MICU3: variants seen among roughly 807,000 people sequenced by gnomAD.
MICU3 encodes calcium uptake protein 3, mitochondrial.
A neutral mutation model predicts 66.5 loss-of-function variants in MICU3; 62 were observed. The observed-to-expected ratio is 0.93, with a 90% CI of 0.76 to 1.15. The LOEUF is 1.15. Ranked by LOEUF, MICU3 falls within the 50% of genes most tolerant of loss-of-function variation. MICU3 has a pLI of 0.00. For synonymous variants in MICU3, 308 were observed against 240.7 expected, an observed-to-expected ratio of 1.28 and a Z score of -2.59; for missense variants, 779 against 664.4, an observed-to-expected ratio of 1.17 and a Z score of -1.90.
chr8:17,102,892 G>T (rs987638956), intron 9 of MICU3, among the ~76,000 whole-genome samples: 1 of 151,964 alleles, frequency 6.6e-6, no homozygotes, highest in African/African-American at 2.4e-5. Context: ...CTGAGAAGTA[G>T]TAGTAGAGAT....
chr8:17,087,304 A>G (rs935191461), intron 7 of MICU3, among the ~76,000 whole-genome samples: 2 of 152,048 alleles, frequency 1.3e-5, no homozygotes, highest in African/African-American at 4.8e-5. Flanking sequence ...AGGGTATATC[A>G]TACAATAGAT....
intron 3 of MICU3, 79 bp from the exon 4 acceptor site, chr8:17,077,704 T>C (rs897123759): frequency 5.1e-6 from 5 of 974,748 alleles, no homozygotes; most frequent in Non-Finnish European, 7.9e-6. Context: ...GAATTTGGCA[T>C]GGACATTTAA....
intron 12 of MICU3, among the ~76,000 whole-genome samples, chr8:17,114,883 G>T (rs1042260818): frequency 2.0e-5 from 3 of 152,038 alleles, no homozygotes; most frequent in African/African-American, 7.2e-5. Context: ...ACTTTGGGAG[G>T]CTGAGGCGGG....
At chr8:17,069,450 G>A (rs1409448420) in intron 2 of MICU3, among the ~76,000 whole-genome samples, 1 of 152,074 alleles carries the variant, frequency 6.6e-6, no homozygotes. Context: ...TGATACGGCT[G>A]TGGAGAAATG....
At chr8:17,083,991 G>T (rs7843566) in intron 5 of MICU3, among the ~76,000 whole-genome samples, 11,421 of 152,122 alleles carry the variant, frequency 0.075, 1,473 homozygotes, top group African/African-American at 0.26. Flanking sequence ...GCACAGAAAG[G>T]TTAGGATCTT....
At chr8:17,053,013 C>T (rs1816355807) in intron 1 of MICU3, among the ~76,000 whole-genome samples, 1 of 151,958 alleles carries the variant, frequency 6.6e-6, no homozygotes, top group Non-Finnish European at 1.5e-5. Context: ...TGCTCAATTC[C>T]CTACATGAAA....
intron 12 of MICU3, among the ~76,000 whole-genome samples, chr8:17,114,979 CG>C (rs1802547109): frequency 1.3e-5 from 2 of 151,726 alleles, no homozygotes; most frequent in African/African-American, 4.8e-5. Context: ...ATTAGCCGGG[CG>C]TAGTGGCGGG....
chr8:17,056,721 GA>G (rs1816994421), intron 1 of MICU3, among the ~76,000 whole-genome samples: 2 of 152,216 alleles, frequency 1.3e-5, no homozygotes, highest in African/African-American at 4.8e-5. Context: ...CAAGGGATGT[GA>G]TTAATTAGGA....
chr8:17,063,153 C>A (rs887814672), intron 1 of MICU3, among the ~76,000 whole-genome samples: 2 of 152,106 alleles, frequency 1.3e-5, no homozygotes, highest in East Asian at 3.9e-4. Flanking sequence ...ATGGTATAAT[C>A]CCATTTTCTT....
intron 1 of MICU3, among the ~76,000 whole-genome samples, chr8:17,031,906 CTTTTTTT>C (rs1263125135): frequency 6.6e-6 from 1 of 152,114 alleles, no homozygotes. Flanking sequence ...CAGATAATGT[CTTTTTTT>C]GTAATTATTT....
chr8:17,086,922 A>T (rs772182770), intron 6 of MICU3, 42 bp from the exon 7 acceptor site: 11 of 1,371,704 alleles, frequency 8.0e-6, no homozygotes, highest in Admixed American at 5.1e-5. Flanking sequence ...GTGCCCAGAA[A>T]CTCTTGTTGG....
chr8:17,104,402 C>T lies in MICU3; in HGVS notation c.996C>T (p.Asp332=). The T allele has an allele frequency of 1.4e-6, 2 of 1,407,878 alleles. No homozygotes were observed. Among genetic ancestry groups the T allele is most frequent in the Non-Finnish European group, 1.9e-6 (2 of 1,060,374 alleles). 87.2% of individuals were successfully genotyped at this position (1,407,878 alleles called of 1,614,324 possible). ...GATTTTTTTTTAAGCGTGCTGATGA[C>T]ATCACAAGTTTAGTAACAGATACTA... ...LFSDLAERAD[D]ITSLVTDTTL... is the part of the protein sequence containing the mutation. The change falls in exon 10 of 15, where the codon GAC becomes GAT. Residue 332 remains aspartate (D), a synonymous_variant. Transcript: ENST00000318063.
At chr8:17,042,654 T>A (rs1291999675) in intron 1 of MICU3, among the ~76,000 whole-genome samples, 1 of 152,214 alleles carries the variant, frequency 6.6e-6, no homozygotes, top group Non-Finnish European at 1.5e-5. Flanking sequence ...ATTAAAGAGT[T>A]ATTTTTCTAA....
chr8:17,079,418 T>A (rs543585766), intron 4 of MICU3, among the ~76,000 whole-genome samples: 4 of 152,306 alleles, frequency 2.6e-5, no homozygotes, highest in African/African-American at 9.6e-5. Flanking sequence ...TTTAGAATCA[T>A]TAGGTTAGGT....
intron 2 of MICU3, among the ~76,000 whole-genome samples, chr8:17,067,570 C>A (rs540166876): frequency 6.6e-6 from 1 of 152,072 alleles, no homozygotes; most frequent in South Asian, 2.1e-4. Context: ...GCTGGGATTA[C>A]GGGCAGCTGC....
chr8:17,063,415 G>A (rs1439131472), intron 1 of MICU3, among the ~76,000 whole-genome samples: 1 of 151,872 alleles, frequency 6.6e-6, no homozygotes, highest in Non-Finnish European at 1.5e-5. Flanking sequence ...CATTTCTCTT[G>A]TAATCAGGAA....
In MICU3 at chr8:17,105,591, A is replaced by G; in HGVS notation, c.1257+7A>G. The G allele has an allele frequency of 6.7e-7, 1 of 1,482,822 alleles. No individual in the cohort carries two copies. Among genetic ancestry groups the G allele is most frequent in the Non-Finnish European group, 9.1e-7 (1 of 1,104,490 alleles). The allele number at this position is 1,482,822 out of a possible 1,614,324, so 91.9% of individuals were successfully genotyped here. On this transcript the variant is annotated splice_region_variant and intron_variant, in intron 11 of 14. Transcript: ENST00000318063. ...CAGTATACCTGAAGAAAAGGTATCT[A>G]ATCCTCATATTTAGTTGGTTATGTT...
chr8:17,103,449 G>C (rs1372249576), intron 9 of MICU3, among the ~76,000 whole-genome samples: 3 of 151,750 alleles, frequency 2.0e-5, no homozygotes, highest in Admixed American at 1.3e-4. Context: ...TATTTTTCTT[G>C]AATAAAAAAT....
chr8:17,085,775 C>A (rs1186795787), intron 6 of MICU3, among the ~76,000 whole-genome samples: 2 of 152,034 alleles, frequency 1.3e-5, no homozygotes, highest in Non-Finnish European at 2.9e-5. Flanking sequence ...CTTCCCTGTT[C>A]CTTTCTGTTA....
Sources: gnomAD v4.1 joint callset for allele counts (sites outside exome capture counted in the v4.1 genomes callset) on GRCh38, gnomAD v4.1.1 for gene constraint, MANE v1.5 for transcripts, NCBI Gene and HGNC (gene_info 2026-07-23, HGNC 2026-07-21) for gene names.